Variants in DNAH2 observed in about 807,000 individuals in gnomAD.
DNAH2 encodes the protein axonemal beta dynein heavy chain 2.
DNAH2 carries 323 observed loss-of-function variants against 523.5 expected under a neutral mutation model. That is an observed-to-expected ratio of 0.62 (90% CI 0.56 to 0.68). The LOEUF (loss-of-function observed/expected upper bound fraction) is 0.68. Among genes scored for constraint, DNAH2 ranks in the 30% least tolerant of loss-of-function variants. The pLI, the probability that DNAH2 is intolerant of heterozygous loss-of-function variation, is 0.00. For synonymous variants in DNAH2, 2,093 were observed against 2,177.4 expected (o/e 0.96, Z 1.08); for missense variants, 4,907 against 5,701.5 (o/e 0.86, Z 4.49).
At chr17:7,728,290 T>C (rs1199534903) in intron 4 of DNAH2, among the ~76,000 whole-genome samples, 2 of 152,170 alleles carry the variant, frequency 1.3e-5, no homozygotes, top group Non-Finnish European at 2.9e-5. Context: ...AACTTTTCTG[T>C]ATATATCTTT....
At chr17:7,730,787 C>T (rs541305829) in intron 4 of DNAH2, among the ~76,000 whole-genome samples, 3 of 150,410 alleles carry the variant, frequency 2.0e-5, no homozygotes, top group African/African-American at 4.9e-5. Context: ...GGTGACAGAG[C>T]GAGAGTCTGT....
rs1323818413 is a variant in DNAH2 at position 7,740,815 on chromosome 17, C to G, written c.1512C>G (p.Ile504Met). 6.2e-7 allele frequency: 1 copy of G among 1,605,910 alleles called. No homozygotes were observed. Among genetic ancestry groups the G allele is most frequent in the East Asian group, 2.2e-5 (1 of 44,574 alleles). Residue 504 changes from isoleucine (I) to methionine (M), a missense_variant, in exon 11 of 86, where the codon ATC becomes ATG. Coordinates refer to ENST00000572933, the MANE Select transcript of DNAH2 (RefSeq NM_020877.5). Reference protein sequence around the residue: ...TFHRLASREAIKRTYDKKAVD... With the variant: ...TFHRLASREAMKRTYDKKAVD... ...CTCTTCCTCTTCTTCCCTAGGCTATCAAGCGGACTTATGACAAGAAGGCGG... is the reference window on the plus strand; with the variant it reads ...CTCTTCCTCTTCTTCCCTAGGCTATGAAGCGGACTTATGACAAGAAGGCGG...
chr17:7,750,922 A>G (rs2075663859), intron 12 of DNAH2, among the ~76,000 whole-genome samples: 1 of 152,124 alleles, frequency 6.6e-6, no homozygotes, highest in Non-Finnish European at 1.5e-5. Flanking sequence ...ATTATCTCCA[A>G]TATTGTTAAT....
At chr17:7,771,250 AC>A in intron 27 of DNAH2, 79 bp from the exon 28 acceptor site, 1 of 1,580,850 alleles carries the variant, frequency 6.3e-7, no homozygotes, top group Non-Finnish European at 8.6e-7. Flanking sequence ...CCCAACTGTC[AC>A]CCACAATCTG....
rs1422270055 is a variant in DNAH2, at chr17:7,770,306, A to C, written c.3996A>C (p.Glu1332Asp). 5 of 1,613,890 alleles carry C rather than the reference A, an allele frequency of 3.1e-6. No individual in the cohort carries two copies. The South Asian group carries it at 4.4e-5, about 14-fold the overall frequency. The change falls in exon 25 of 86, where the codon GAA becomes GAC. Residue 1332 changes from glutamate (E) to aspartate (D), a missense_variant. Glu to Asp is a conservative substitution (Grantham distance 45). Transcript: ENST00000572933. ...AGCGGGAGTTTGATCAGGAATCTGA[A>C]AGCTTCACCTTGGAGCAGATTGTGG... Reference protein sequence around the residue: ...EIQREFDQESESFTLEQIVEL... With the variant: ...EIQREFDQESDSFTLEQIVEL...
chr17:7,757,346 T>C, intron 13 of DNAH2, 109 bp downstream of exon 13: 1 of 1,377,914 alleles, frequency 7.3e-7, no homozygotes. Flanking sequence ...GTCCTCTACA[T>C]CTTTTCCATC....
chr17:7,733,456 C>T (rs2075048796), intron 5 of DNAH2, 141 bp downstream of exon 5: 1 of 511,724 alleles, frequency 2.0e-6, no homozygotes. Flanking sequence ...GAATAGGGTA[C>T]AAGATCCGCC....
intron 31 of DNAH2, 124 bp downstream of exon 31, chr17:7,776,273 C>G (rs889437183): frequency 6.8e-5 from 80 of 1,172,096 alleles, no homozygotes; most frequent in Non-Finnish European, 8.3e-5. Context: ...CAAGACCAGC[C>G]TGGCCAACAT....
chr17:7,719,127 CTTT>C lies in DNAH2; in HGVS notation c.-15+344_-15+346del, dbSNP rs34833123. On this transcript the variant is annotated intron_variant, in intron 1 of 85. Transcript: ENST00000572933. Reference sequence around the variant, plus strand: ...CCTCATTAGTGGGGTGTCTGGCCATCTTTTTTTTTTTTTTTTTTGAGATAGAGT... The same window carrying C: ...CCTCATTAGTGGGGTGTCTGGCCATCTTTTTTTTTTTTTTTGAGATAGAGT... Among the ~76,000 whole-genome samples, 291 of 136,450 alleles carry C rather than the reference CTTT, an allele frequency of 2.1e-3. 2 individuals carry two copies. The highest frequency in any genetic ancestry group is 8.1e-3 in the East Asian group (38 of 4,712). 89.5% of individuals were successfully genotyped at this position (136,450 alleles called of 152,430 possible).
intron 24 of DNAH2, among the ~76,000 whole-genome samples, chr17:7,769,451 C>T (rs558649770): frequency 1.3e-5 from 2 of 152,176 alleles, no homozygotes; most frequent in African/African-American, 2.4e-5. Flanking sequence ...CATGAGCCAC[C>T]GTGCCCGTCC....
chr17:7,790,159 CGT>C (rs1426370645), intron 44 of DNAH2, among the ~76,000 whole-genome samples: 1 of 152,222 alleles, frequency 6.6e-6, no homozygotes, highest in Non-Finnish European at 1.5e-5. Flanking sequence ...ATATCTGTCA[CGT>C]GCCCTCTGGG....
At chr17:7,792,614 G>T in intron 46 of DNAH2, 43 bp from the exon 47 acceptor site, 1 of 1,525,834 alleles carries the variant, frequency 6.6e-7, no homozygotes, top group South Asian at 1.1e-5. Context: ...TTGGAAAGGA[G>T]TGGGCGGCTG....
At chr17:7,722,909 G>A (rs1157664175) in intron 2 of DNAH2, among the ~76,000 whole-genome samples, 2 of 151,424 alleles carry the variant, frequency 1.3e-5, no homozygotes, top group African/African-American at 4.9e-5. Flanking sequence ...GGAATTGCTG[G>A]GTCATTGGGT....
In DNAH2 at chr17:7,793,201, T is replaced by C; in HGVS notation, c.7565T>C (p.Ile2522Thr). 6.2e-7 allele frequency: 1 copy of C among 1,613,398 alleles called. No homozygotes were observed. The highest frequency in any genetic ancestry group is 8.5e-7 in the Non-Finnish European group (1 of 1,179,460). Reference protein sequence around the residue: ...YDRTKQTIKYIREMFLMAAMG... With the variant: ...YDRTKQTIKYTREMFLMAAMG... ...CGTACGAAGCAGACCATCAAGTACA[T>C]TCGAGTAAGCCTCGCTAGAGTCTGT... Residue 2522 changes from isoleucine to threonine, a missense_variant, in exon 48 of 86, where the codon ATT becomes ACT. Transcript: ENST00000572933.
rs575478862 is a variant in DNAH2 at position 7,802,694 on chromosome 17, C to T, written c.8972+677C>T. Among the ~76,000 whole-genome samples, 4 of 151,996 alleles carry T rather than the reference C, an allele frequency of 2.6e-5. No individual in the cohort carries two copies. The East Asian group carries it at 5.8e-4, about 22-fold the overall frequency. On this transcript the variant is annotated intron_variant, in intron 58 of 85. Transcript: ENST00000572933. ...ATTTTTTTTTTTTTAGACGGAGTCT[C>T]GCTCTGTTGCCCAGGCTGGAGTGCA...
chr17:7,801,860 CTG>C lies in DNAH2; in HGVS notation c.8833-14_8833-13del. The C allele has an allele frequency of 1.9e-6, 3 of 1,614,102 alleles. No homozygotes were observed. Among genetic ancestry groups the C allele is most frequent in the Non-Finnish European group, 2.5e-6 (3 of 1,179,968 alleles). ...TTCCGTTTCCATCTGCCTTTTCATC[CTG>C]TGTCACTGGCCTCAGATCCACAGGA... On this transcript the variant is annotated splice_polypyrimidine_tract_variant and intron_variant, in intron 57 of 85. Coordinates refer to ENST00000572933, the MANE Select transcript of DNAH2 (RefSeq NM_020877.5).
chr17:7,799,101 A>T lies in DNAH2; in HGVS notation c.8560-2A>T. ...CTCTGACCCTGGGTGGCTTCTGTCC[A>T]GATCCAGTCGCATATCATAGACCAG... is the stretch of plus-strand genomic sequence containing the variant. On this transcript the variant is annotated splice_acceptor_variant, in intron 55 of 85. Transcript: ENST00000572933. LOFTEE classifies it high-confidence loss of function. 1 of 1,614,116 alleles carries T rather than the reference A, an allele frequency of 6.2e-7. No individual in the cohort carries two copies. The highest frequency in any genetic ancestry group is 8.5e-7 in the Non-Finnish European group (1 of 1,180,034).
rs183118178 is a variant in DNAH2, at chr17:7,823,683, A to G, written c.11329+55A>G. 1.3e-4 allele frequency: 208 copies of G among 1,594,826 alleles called. 2 individuals are homozygous for G. In the Admixed American group the frequency reaches 3.5e-3, roughly 27 times the overall value. ...TTTCTCCTTCCCTCCATTCAGCCAC[A>G]TGCCGGCCCTTCCCATTGTCCTCCA... On this transcript the variant is annotated intron_variant, in intron 74 of 85. Transcript: ENST00000572933.
At position 7,766,449 on chromosome 17, in the gene DNAH2, C is replaced by G; in HGVS notation, c.3643C>G (p.Pro1215Ala). Residue 1215 changes from proline to alanine, a missense_variant, in exon 22 of 86, where the codon CCA becomes GCA. Around this residue, in one of 3 missense-constraint regions of DNAH2, gnomAD observed 2,806 missense variants for 3,190.8 expected, o/e 0.88. Transcript: ENST00000572933. ...CCTGGGCATCTTCAAGATCGAGCAG[C>G]CACCCTCCAAGGACCTTCAGAACCT... Reference protein sequence around the residue: ...ANLGIFKIEQPPSKDLQNLEK... With the variant: ...ANLGIFKIEQAPSKDLQNLEK... 13 of 1,613,832 alleles carry G rather than the reference C, an allele frequency of 8.1e-6. No homozygotes were observed. The highest frequency in any genetic ancestry group is 1.1e-5 in the Non-Finnish European group (13 of 1,179,870).
Sources: gnomAD v4.1 joint callset for allele counts (sites outside exome capture counted in the v4.1 genomes callset) on GRCh38, gnomAD v4.1.1 for gene constraint, gnomAD v4.1.1 regional missense constraint, MANE v1.5 for transcripts, NCBI Gene and HGNC (gene_info 2026-07-23, HGNC 2026-07-21) for gene names.